The following GABRG1 variants were observed in gnomAD, a reference collection of about 807,000 sequenced individuals.
GABRG1 encodes gamma-aminobutyric acid type A receptor subunit gamma1.
In GABRG1, 49 loss-of-function variants were observed where a neutral mutation model predicts 49.8. That is an observed-to-expected ratio of 0.98 (90% CI 0.78 to 1.25). The LOEUF (loss-of-function observed/expected upper bound fraction) is 1.25, where lower values mean the gene tolerates loss of function less well. Ranked by LOEUF, GABRG1 falls within the 50% of genes most tolerant of loss-of-function variation. The pLI is 0.00. For synonymous variants in GABRG1, 232 were observed against 185.1 expected, an observed-to-expected ratio of 1.25 and a Z score of -2.06; for missense variants, 552 against 552.3, an observed-to-expected ratio of 1.00 and a Z score of 0.01.
At chr4:46,071,167 C>T (rs1238791009) in intron 3 of GABRG1, among the ~76,000 whole-genome samples, 1 of 151,962 alleles carries the variant, frequency 6.6e-6, no homozygotes. Context: ...AAGTATAATA[C>T]ACACAATTAT....
intron 1 of GABRG1, among the ~76,000 whole-genome samples, chr4:46,117,310 C>A (rs1459724586): frequency 6.7e-6 from 1 of 150,184 alleles, no homozygotes; most frequent in African/African-American, 2.4e-5. Context: ...ATTTGTCTAA[C>A]AAATAAGGAA....
At chr4:46,099,657 A>AGTTT (rs1408430508) in intron 1 of GABRG1, among the ~76,000 whole-genome samples, 136 of 151,850 alleles carry the variant, frequency 9.0e-4, no homozygotes, top group Non-Finnish European at 1.5e-3. Flanking sequence ...TTAGTTAAAC[A>AGTTT]ATCTTAGCAA....
At chr4:46,074,936 T>C (rs1259473309) in intron 3 of GABRG1, among the ~76,000 whole-genome samples, 2 of 152,080 alleles carry the variant, frequency 1.3e-5, no homozygotes, top group Admixed American at 1.3e-4. Flanking sequence ...TTCTGAGACT[T>C]ACTAGAGTAG....
At chr4:46,104,996 A>G (rs534470962) in intron 1 of GABRG1, among the ~76,000 whole-genome samples, 12 of 151,624 alleles carry the variant, frequency 7.9e-5, no homozygotes, top group African/African-American at 2.4e-4. Context: ...CTGGATTTAT[A>G]AAAGGTAATT....
chr4:46,056,500 A>G (rs936106566), intron 7 of GABRG1, among the ~76,000 whole-genome samples: 4 of 152,084 alleles, frequency 2.6e-5, no homozygotes, highest in African/African-American at 9.7e-5. Flanking sequence ...AATAGCAAAT[A>G]TCATACCACT....
At chr4:46,080,344 G>A (rs1719517056) in intron 3 of GABRG1, among the ~76,000 whole-genome samples, 1 of 151,762 alleles carries the variant, frequency 6.6e-6, no homozygotes, top group African/African-American at 2.4e-5. Context: ...TTTATGAAAA[G>A]TGAATTCTAA....
At position 46,105,192 on chromosome 4, in the gene GABRG1, G is replaced by A. The variant is rs145717475; in HGVS notation, c.105-7843C>T. 1.7e-3 allele frequency among the ~76,000 whole-genome samples: 251 copies of A among 151,400 alleles called. 1 individual carries two copies. Among genetic ancestry groups the A allele is most frequent in the African/African-American group, 5.9e-3 (245 of 41,400 alleles). ...GGCAGAATGATACTTGCTAATTAAG[G>A]CCTGGGCAAATTATTGATACAAGAT... On this transcript the variant is annotated intron_variant, in intron 1 of 8. Transcript: ENST00000295452.
At chr4:46,091,006 C>G (rs892781879) in intron 2 of GABRG1, among the ~76,000 whole-genome samples, 2 of 150,078 alleles carry the variant, frequency 1.3e-5, no homozygotes. Flanking sequence ...GGAATTTAAT[C>G]GGACATTCTA....
intron 1 of GABRG1, among the ~76,000 whole-genome samples, chr4:46,113,908 A>T (rs1407775776): frequency 6.6e-6 from 1 of 151,186 alleles, no homozygotes; most frequent in African/African-American, 2.4e-5. Flanking sequence ...TTTCATAAAC[A>T]CAGTATTTCA....
chr4:46,090,386 A>G (rs1410107010), intron 2 of GABRG1, among the ~76,000 whole-genome samples: 1 of 152,078 alleles, frequency 6.6e-6, no homozygotes, highest in Admixed American at 6.6e-5. Context: ...ATACCTACAC[A>G]TGGACTAAAA....
intron 2 of GABRG1, among the ~76,000 whole-genome samples, chr4:46,084,543 C>G (rs1719684682): frequency 6.6e-6 from 1 of 151,602 alleles, no homozygotes; most frequent in African/African-American, 2.4e-5. Flanking sequence ...TACCAAACTT[C>G]AGTGAAAAAC....
chr4:46,089,836 G>A (rs185582243), intron 2 of GABRG1, among the ~76,000 whole-genome samples: 2 of 151,996 alleles, frequency 1.3e-5, no homozygotes, highest in East Asian at 2.0e-4. Context: ...GGTGTGGCAC[G>A]CTTGTAGTAC....
chr4:46,106,484 C>T (rs1035295339), intron 1 of GABRG1, among the ~76,000 whole-genome samples: 2 of 151,378 alleles, frequency 1.3e-5, no homozygotes, highest in Non-Finnish European at 3.0e-5. Flanking sequence ...GACATTTTGC[C>T]ATTGTTTTAT....
chr4:46,045,376 A>G (rs1242005732), intron 8 of GABRG1, among the ~76,000 whole-genome samples: 1 of 152,044 alleles, frequency 6.6e-6, no homozygotes, highest in African/African-American at 2.4e-5. Flanking sequence ...TGATAAAAGG[A>G]AAATCTGGAA....
At chr4:46,118,132 G>GTATATATATATACA in intron 1 of GABRG1, among the ~76,000 whole-genome samples, 1 of 109,966 alleles carries the variant, frequency 9.1e-6, no homozygotes, top group East Asian at 2.1e-4. Context: ...GTGTGTGTGT[G>GTATATATATATACA]TATATATATA....
chr4:46,111,815 A>T lies in GABRG1; in HGVS notation c.104+11995T>A, dbSNP rs184503316. ...GAAGAAGACTGAAATGGGACCCTTA[A>T]CTTGCACCACATACAAAAATTGACT... On this transcript the variant is annotated intron_variant, in intron 1 of 8. Coordinates refer to ENST00000295452, the MANE Select transcript of GABRG1 (RefSeq NM_173536.4). Among the ~76,000 whole-genome samples the T allele has an allele frequency of 1.2e-4, 18 of 151,224 alleles. No individual in the cohort carries two copies. In the East Asian group the frequency reaches 3.5e-3, roughly 30 times the overall value.
At chr4:46,088,191 C>T (rs955212585) in intron 2 of GABRG1, among the ~76,000 whole-genome samples, 1 of 151,900 alleles carries the variant, frequency 6.6e-6, no homozygotes, top group African/African-American at 2.4e-5. Context: ...TGTTTGTGTT[C>T]GTCACAAAAA....
intron 8 of GABRG1, among the ~76,000 whole-genome samples, chr4:46,050,000 A>G (rs1718153825): frequency 6.6e-6 from 1 of 151,966 alleles, no homozygotes; most frequent in Admixed American, 6.6e-5. Flanking sequence ...CCAGAAATAA[A>G]ACTTTCAAGG....
chr4:46,098,978 A>C (rs541258750), intron 1 of GABRG1, among the ~76,000 whole-genome samples: 1 of 151,730 alleles, frequency 6.6e-6, no homozygotes, highest in South Asian at 2.1e-4. Flanking sequence ...TGCCATAAAA[A>C]ATTTTTATGA....
Sources: allele counts gnomAD v4.1 joint callset (sites outside exome capture counted in the v4.1 genomes callset), GRCh38; gene constraint gnomAD v4.1.1; transcripts MANE v1.5; gene names NCBI Gene and HGNC (gene_info 2026-07-23, HGNC 2026-07-21).